The following PACRG variants were observed in gnomAD, a reference collection of about 807,000 sequenced individuals.
The protein encoded by PACRG is parkin coregulated, also known as parkin coregulated gene protein.
PACRG carries 29 observed loss-of-function variants against 29.7 expected under a neutral mutation model. The ratio of observed to expected loss-of-function variants is 0.98; its 90% CI spans 0.73 to 1.33. The LOEUF is 1.33. Among genes scored for constraint, PACRG ranks in the 40% most tolerant of loss-of-function variants. The pLI, the probability that PACRG is intolerant of heterozygous loss-of-function variation, is 0.00. For synonymous variants in PACRG, 116 were observed against 118.7 expected (o/e 0.98, Z 0.15); for missense variants, 279 against 316.2 (o/e 0.88, Z 0.89).
At chr6:162,946,026 A>T (rs1798977303) in intron 2 of PACRG, among the ~76,000 whole-genome samples, 1 of 152,110 alleles carries the variant, frequency 6.6e-6, no homozygotes, top group South Asian at 2.1e-4. Flanking sequence ...TTCAAAGGAA[A>T]GTTTATAGTG....
rs867083010 is a variant in PACRG, at chr6:162,747,352, A to G, written c.156+18961A>G. Among the ~76,000 whole-genome samples the G allele has an allele frequency of 5.1e-4, 38 of 74,620 alleles. 4 individuals are homozygous for G. The highest frequency in any genetic ancestry group is 1.7e-3 in the Admixed American group (10 of 5,962). The allele number at this position is 74,620 out of a possible 152,430, so 49.0% of individuals were successfully genotyped here. On this transcript the variant is annotated intron_variant, in intron 1 of 4. Coordinates refer to ENST00000366888, the MANE Select transcript of PACRG (RefSeq NM_001080379.2). ...TATATATATATATATATATATATATATATATATATATACACATACATATAT... is the reference window on the plus strand; with the variant it reads ...TATATATATATATATATATATATATGTATATATATATACACATACATATAT...
rs570956894 is a variant in PACRG, at chr6:162,909,427, C to T, written c.291+95146C>T. 4.9e-3 allele frequency among the ~76,000 whole-genome samples: 747 copies of T among 151,964 alleles called. 5 individuals are homozygous for T. The highest frequency in any genetic ancestry group is 0.017 in the African/African-American group (686 of 41,418). ...AAAATTAGCCAGGCGTGGTGGAGGGCACCTGTAGTCCCAGCTACTTGGGAG... is the reference window on the plus strand; with the variant it reads ...AAAATTAGCCAGGCGTGGTGGAGGGTACCTGTAGTCCCAGCTACTTGGGAG... On this transcript the variant is annotated intron_variant, in intron 2 of 4. Transcript: ENST00000366888.
chr6:162,888,041 T>A (rs1319243164), intron 2 of PACRG, among the ~76,000 whole-genome samples: 2 of 152,186 alleles, frequency 1.3e-5, no homozygotes, highest in African/African-American at 4.8e-5. Context: ...GGTGCCTTGT[T>A]GCAGCAGCCT....
intron 4 of PACRG, among the ~76,000 whole-genome samples, chr6:163,091,402 A>T (rs1295532568): frequency 1.3e-5 from 2 of 152,230 alleles, no homozygotes; most frequent in Non-Finnish European, 2.9e-5. Flanking sequence ...AATCCCTAGT[A>T]AGATTTTATC....
chr6:162,734,651 CTG>C (rs533091439), intron 1 of PACRG, among the ~76,000 whole-genome samples: 27 of 152,266 alleles, frequency 1.8e-4, no homozygotes, highest in African/African-American at 6.3e-4. Flanking sequence ...GCAGAGTAGA[CTG>C]TGTTTTTCCA....
At chr6:163,176,184 G>C (rs145998850) in intron 4 of PACRG, among the ~76,000 whole-genome samples, 4 of 152,078 alleles carry the variant, frequency 2.6e-5, no homozygotes, top group Admixed American at 1.3e-4. Flanking sequence ...TCCTTTGAAC[G>C]GCCTCTTTAT....
chr6:163,125,383 G>T (rs1477494273), intron 4 of PACRG, among the ~76,000 whole-genome samples: 1 of 152,174 alleles, frequency 6.6e-6, no homozygotes, highest in African/African-American at 2.4e-5. Context: ...GAAGTATAAG[G>T]AAAAGATTGA....
At chr6:162,899,088 T>C (rs1481749490) in intron 2 of PACRG, among the ~76,000 whole-genome samples, 2 of 152,206 alleles carry the variant, frequency 1.3e-5, no homozygotes, top group Non-Finnish European at 2.9e-5. Flanking sequence ...GGTTATATTG[T>C]AGTACACCAA....
At chr6:163,000,580 T>C (rs1315451338) in intron 2 of PACRG, among the ~76,000 whole-genome samples, 3 of 152,188 alleles carry the variant, frequency 2.0e-5, no homozygotes, top group African/African-American at 4.8e-5. Flanking sequence ...TCTCTCCCTG[T>C]GTGGCCTTGG....
At chr6:163,219,178 C>G (rs1421780498) in intron 4 of PACRG, among the ~76,000 whole-genome samples, 1 of 152,250 alleles carries the variant, frequency 6.6e-6, no homozygotes, top group Non-Finnish European at 1.5e-5. Flanking sequence ...GAATTAACCT[C>G]TGACACAGCT....
intron 4 of PACRG, among the ~76,000 whole-genome samples, chr6:163,106,700 A>G (rs1815400823): frequency 6.6e-6 from 1 of 152,226 alleles, no homozygotes; most frequent in Admixed American, 6.5e-5. Flanking sequence ...AATGCAAAGT[A>G]CCACTTGTAC....
At chr6:163,035,760 C>A (rs1562852722) in intron 2 of PACRG, among the ~76,000 whole-genome samples, 1 of 140,064 alleles carries the variant, frequency 7.1e-6, no homozygotes, top group African/African-American at 2.7e-5. Flanking sequence ...GGAGGTGAGC[C>A]GAGATCATGC....
intron 1 of PACRG, among the ~76,000 whole-genome samples, chr6:162,804,714 G>A (rs551770086): frequency 3.3e-5 from 5 of 152,064 alleles, no homozygotes; most frequent in South Asian, 2.1e-4. Context: ...AAAACCCTTC[G>A]GGAAGTTGAT....
At chr6:162,908,354 A>G (rs563858224) in intron 2 of PACRG, among the ~76,000 whole-genome samples, 1 of 152,352 alleles carries the variant, frequency 6.6e-6, no homozygotes, top group South Asian at 2.1e-4. Context: ...AGGACTCTTT[A>G]GGTTGCATCT....
At chr6:162,826,372 T>C (rs1788277279) in intron 2 of PACRG, among the ~76,000 whole-genome samples, 2 of 152,204 alleles carry the variant, frequency 1.3e-5, no homozygotes, top group South Asian at 4.1e-4. Context: ...AGTACGTGCA[T>C]GTGTATGTGT....
rs188853680 is a variant in PACRG, at chr6:163,131,135, G to A, written c.613+41727G>A. Among the ~76,000 whole-genome samples, 892 of 151,926 alleles carry A rather than the reference G, an allele frequency of 5.9e-3. 13 individuals carry two copies. The highest frequency in any genetic ancestry group is 0.027 in the Middle Eastern group (8 of 292). On this transcript the variant is annotated intron_variant, in intron 4 of 4. Coordinates refer to ENST00000366888, the MANE Select transcript of PACRG (RefSeq NM_001080379.2). The stretch of plus-strand genomic sequence containing the variant: ...ATCCTGGCTAACAGGGTGAAACCCC[G>A]TCTCTACTAAAAAATACAAAAAATT...
At chr6:163,097,691 A>G (rs537620682) in intron 4 of PACRG, among the ~76,000 whole-genome samples, 149 of 152,332 alleles carry the variant, frequency 9.8e-4, no homozygotes, top group African/African-American at 3.4e-3. Context: ...TAGTGGGTTC[A>G]AAGAGTTCCT....
intron 2 of PACRG, among the ~76,000 whole-genome samples, chr6:162,949,073 T>C (rs1799455385): frequency 6.6e-6 from 1 of 152,156 alleles, no homozygotes; most frequent in African/African-American, 2.4e-5. Context: ...GCAGCACTAC[T>C]CACAACAGCT....
In PACRG at chr6:163,166,111, G is replaced by A. The variant is rs749833083; in HGVS notation, c.613+76703G>A. ...CAGAAGCTCCAATTCCTCGGCTGCA[G>A]GGCTTGGCGCGGGGTTTCTGGGCAG... On this transcript the variant is annotated intron_variant, in intron 4 of 4. Transcript: ENST00000366888. 6.6e-6 allele frequency: 3 copies of A among 456,294 alleles called. No homozygotes were observed. The Admixed American group carries it at 7.0e-5, about 11-fold the overall frequency. The allele number at this position is 456,294 out of a possible 1,614,324, so 28.3% of individuals were successfully genotyped here.
Sources: gnomAD v4.1 joint callset for allele counts (sites outside exome capture counted in the v4.1 genomes callset) on GRCh38, gnomAD v4.1.1 for gene constraint, MANE v1.5 for transcripts, NCBI Gene and HGNC (gene_info 2026-07-23, HGNC 2026-07-21) for gene names.